Variants in AMBRA1 observed in about 807,000 individuals in gnomAD.
AMBRA1 encodes the protein autophagy and beclin 1 regulator 1.
AMBRA1 carries 47 observed loss-of-function variants against 125.4 expected under a neutral mutation model. That is an observed-to-expected ratio of 0.37 (90% CI 0.30 to 0.48). The LOEUF (loss-of-function observed/expected upper bound fraction) is 0.48, where lower values mean the gene tolerates loss of function less well. Ranked by LOEUF, AMBRA1 falls within the 20% of genes least tolerant of loss-of-function variation. The pLI is 0.99. For missense variants in AMBRA1, 1,331 were observed against 1,693.4 expected, an observed-to-expected ratio of 0.79 and a Z score of 3.76; for synonymous variants, 626 against 655.5, an observed-to-expected ratio of 0.95 and a Z score of 0.69.
At chr11:46,453,820 ACTACT>A (rs1193296796) in intron 11 of AMBRA1, among the ~76,000 whole-genome samples, 1 of 152,224 alleles carries the variant, frequency 6.6e-6, no homozygotes, top group Non-Finnish European at 1.5e-5. Flanking sequence ...CAGTTTAATA[ACTACT>A]CTACCAGTCA....
chr11:46,499,089 G>A (rs562421369), intron 9 of AMBRA1, among the ~76,000 whole-genome samples: 3 of 152,176 alleles, frequency 2.0e-5, no homozygotes, highest in Non-Finnish European at 4.4e-5. Context: ...TAATAGCATA[G>A]GTCTCCTGGA....
At chr11:46,479,118 A>G (rs1949950206) in intron 11 of AMBRA1, among the ~76,000 whole-genome samples, 1 of 152,070 alleles carries the variant, frequency 6.6e-6, no homozygotes, top group Non-Finnish European at 1.5e-5. Flanking sequence ...GAATCACTTG[A>G]GCCCAGGAGG....
intron 1 of AMBRA1, among the ~76,000 whole-genome samples, chr11:46,576,933 A>T (rs1183899188): frequency 2.0e-5 from 3 of 152,204 alleles, no homozygotes; most frequent in Non-Finnish European, 4.4e-5. Flanking sequence ...AAATGCAAAT[A>T]ATAAAACCAG....
chr11:46,528,675 G>T (rs61882744), intron 7 of AMBRA1, among the ~76,000 whole-genome samples: 6,547 of 152,244 alleles, frequency 0.043, 185 homozygotes, highest in Non-Finnish European at 0.064. Context: ...TTTCAGTCAC[G>T]CAAGATGAAG....
intron 14 of AMBRA1, among the ~76,000 whole-genome samples, chr11:46,431,288 G>A (rs1385646671): frequency 6.6e-6 from 1 of 152,172 alleles, no homozygotes; most frequent in Non-Finnish European, 1.5e-5. Flanking sequence ...ATCAAAAAAG[G>A]TTCACCAGGC....
At chr11:46,515,822 TGC>T (rs1208011103) in intron 7 of AMBRA1, among the ~76,000 whole-genome samples, 3 of 152,108 alleles carry the variant, frequency 2.0e-5, no homozygotes, top group Non-Finnish European at 4.4e-5. Flanking sequence ...ATTAAAGGCA[TGC>T]GCCACCACAC....
chr11:46,433,360 T>C, intron 14 of AMBRA1, 114 bp downstream of exon 14: 3 of 1,343,228 alleles, frequency 2.2e-6, no homozygotes, highest in Non-Finnish European at 3.0e-6. Context: ...CCTTACTCCT[T>C]ATGACTGTGT....
chr11:46,423,947 G>C (rs997608458), intron 14 of AMBRA1, among the ~76,000 whole-genome samples: 2 of 151,550 alleles, frequency 1.3e-5, no homozygotes, highest in Non-Finnish European at 2.9e-5. Flanking sequence ...ATTTTTAGTA[G>C]AGATGGGGTA....
chr11:46,574,118 A>G lies in AMBRA1; in HGVS notation c.-121+19710T>C, dbSNP rs1235270272. ...CTTTGCTATTGTGAATAGTGCCGCA[A>G]TAAACATACATGTGCATGTGTCTTT... is the stretch of plus-strand genomic sequence containing the variant. On this transcript the variant is annotated intron_variant, in intron 1 of 17. Coordinates refer to ENST00000683756, the MANE Select transcript of AMBRA1 (RefSeq NM_001387011.1). Among the ~76,000 whole-genome samples, 782 of 141,514 alleles carry G rather than the reference A, an allele frequency of 5.5e-3. 11 individuals are homozygous for G. Among genetic ancestry groups the G allele is most frequent in the African/African-American group, 0.02 (745 of 36,798 alleles). The allele number at this position is 141,514 out of a possible 152,430, so 92.8% of individuals were successfully genotyped here.
intron 1 of AMBRA1, among the ~76,000 whole-genome samples, chr11:46,582,883 A>T (rs916851903): frequency 6.6e-5 from 10 of 152,100 alleles, no homozygotes; most frequent in African/African-American, 2.4e-4. Flanking sequence ...GAGATGCAGA[A>T]TCACAATCAA....
intron 9 of AMBRA1, 90 bp from the exon 10 acceptor site, chr11:46,494,294 C>A: frequency 8.7e-7 from 1 of 1,146,948 alleles, no homozygotes; most frequent in Non-Finnish European, 1.3e-6. Flanking sequence ...AAATGACATT[C>A]TTACACTTAG....
At chr11:46,547,971 T>C (rs1253579515) in intron 2 of AMBRA1, 96 bp from the exon 3 acceptor site, 7 of 1,415,712 alleles carry the variant, frequency 4.9e-6, no homozygotes, top group East Asian at 4.7e-5. Context: ...AGATTAGCAT[T>C]CACAGTGTAG....
chr11:46,460,935 G>T (rs1316882381), intron 11 of AMBRA1, among the ~76,000 whole-genome samples: 1 of 152,018 alleles, frequency 6.6e-6, no homozygotes, highest in Non-Finnish European at 1.5e-5. Context: ...ATAAATAAAT[G>T]AATTAATTAA....
chr11:46,522,461 T>TA (rs1173777848), intron 7 of AMBRA1, among the ~76,000 whole-genome samples: 1 of 152,128 alleles, frequency 6.6e-6, no homozygotes, highest in Non-Finnish European at 1.5e-5. Context: ...ACTTTTTTTT[T>TA]AACCCAGAAT....
chr11:46,466,809 C>T (rs1282516692), intron 11 of AMBRA1, among the ~76,000 whole-genome samples: 1 of 152,272 alleles, frequency 6.6e-6, no homozygotes, highest in African/African-American at 2.4e-5. Flanking sequence ...ATGACCCACC[C>T]TCCTTGATTT....
intron 11 of AMBRA1, among the ~76,000 whole-genome samples, chr11:46,471,511 G>C (rs1302910274): frequency 6.6e-6 from 1 of 151,882 alleles, no homozygotes; most frequent in Non-Finnish European, 1.5e-5. Flanking sequence ...CTGGGAGATG[G>C]AGGTTGCAGT....
intron 9 of AMBRA1, among the ~76,000 whole-genome samples, chr11:46,506,849 G>A (rs765150858): frequency 6.6e-6 from 1 of 152,062 alleles, no homozygotes; most frequent in Admixed American, 6.6e-5. Context: ...GCAGATGAGA[G>A]AATGCAAAAC....
rs576934758 is a variant in AMBRA1, at chr11:46,565,206, C to T, written c.-120-16706G>A. Among the ~76,000 whole-genome samples the T allele has an allele frequency of 1.7e-3, 262 of 151,062 alleles. 1 individual carries two copies. The highest frequency in any genetic ancestry group is 6.2e-3 in the African/African-American group (253 of 41,100). On this transcript the variant is annotated intron_variant, in intron 1 of 17. Transcript: ENST00000683756. ...CCAGGAGGCGAAGGTTGCAATGAGCCGAGATTATGCCATTGCACTCCAAGC... is the reference window on the plus strand; with the variant it reads ...CCAGGAGGCGAAGGTTGCAATGAGCTGAGATTATGCCATTGCACTCCAAGC...
At chr11:46,414,120 G>A (rs549974479) in intron 15 of AMBRA1, among the ~76,000 whole-genome samples, 34 of 152,300 alleles carry the variant, frequency 2.2e-4, no homozygotes, top group Admixed American at 5.9e-4. Context: ...TCAGTGTCAC[G>A]ATGCTCTCTT....
Sources: allele counts gnomAD v4.1 joint callset (sites outside exome capture counted in the v4.1 genomes callset), GRCh38; gene constraint gnomAD v4.1.1; transcripts MANE v1.5; gene names NCBI Gene and HGNC (gene_info 2026-07-23, HGNC 2026-07-21).